IPO8: variants seen among roughly 807,000 people sequenced by gnomAD.
IPO8 encodes the protein importin 8.
IPO8 carries 65 observed loss-of-function variants against 141.2 expected under a neutral mutation model. That is an observed-to-expected ratio of 0.46 (90% CI 0.38 to 0.57). IPO8 has a LOEUF of 0.57. Among genes scored for constraint, IPO8 ranks in the 20% least tolerant of loss-of-function variants. IPO8 has a pLI of 0.00. For missense variants in IPO8, 980 were observed against 1,246.8 expected (o/e 0.79, Z 3.22); for synonymous variants, 411 against 420.3 (o/e 0.98, Z 0.27).
intron 2 of IPO8, among the ~76,000 whole-genome samples, chr12:30,685,452 T>G (rs983025204): frequency 6.6e-6 from 1 of 151,694 alleles, no homozygotes. Flanking sequence ...ATGTAAAGCT[T>G]TCTAACCATC....
chr12:30,641,493 C>CTTTTTTT (rs58656525), intron 20 of IPO8, among the ~76,000 whole-genome samples: 36 of 135,016 alleles, frequency 2.7e-4, no homozygotes, highest in Non-Finnish European at 3.3e-4. Context: ...TAAGCTATTT[C>CTTTTTTT]TTTTTTTTTT....
intron 2 of IPO8, among the ~76,000 whole-genome samples, 197 bp from the exon 3 acceptor site, chr12:30,684,654 GCAGAAA>G (rs2053222212): frequency 6.6e-6 from 1 of 152,202 alleles, no homozygotes; most frequent in South Asian, 2.1e-4. Flanking sequence ...GCTAGTCTAA[GCAGAAA>G]ACATTTCATT....
chr12:30,672,594 C>T (rs536048418), intron 8 of IPO8, among the ~76,000 whole-genome samples: 1 of 152,238 alleles, frequency 6.6e-6, no homozygotes, highest in East Asian at 1.9e-4. Flanking sequence ...TGTATACACA[C>T]ACATACATGT....
Position 30,630,800 on chromosome 12 carries a change from C to T in IPO8, c.*60G>A. 7.2e-7 allele frequency: 1 copy of T among 1,396,742 alleles called. No individual in the cohort carries two copies. Among genetic ancestry groups the T allele is most frequent in the Non-Finnish European group, 1.0e-6 (1 of 988,654 alleles). 86.5% of individuals were successfully genotyped at this position (1,396,742 alleles called of 1,614,324 possible). A position where few individuals can be genotyped will look rare whatever the true frequency, so the allele number is the denominator to read the frequency against. Reference sequence around the variant, plus strand: ...CCCCTCATTTCATCCCCTTGACCCTCACACTCCTCTTGTGAAATAAAATGC... The same window carrying T: ...CCCCTCATTTCATCCCCTTGACCCTTACACTCCTCTTGTGAAATAAAATGC... On this transcript the variant is annotated 3_prime_UTR_variant, in exon 25 of 25. Transcript: ENST00000256079.
chr12:30,687,940 A>G (rs750974181), intron 2 of IPO8, among the ~76,000 whole-genome samples: 6 of 152,190 alleles, frequency 3.9e-5, no homozygotes, highest in Non-Finnish European at 7.4e-5. Context: ...TTTAAATGAC[A>G]GTCCCACATC....
At chr12:30,653,146 C>T (rs2052751516) in intron 17 of IPO8, 54 bp from the exon 18 acceptor site, 1 of 1,541,842 alleles carries the variant, frequency 6.5e-7, no homozygotes, top group South Asian at 1.1e-5. Flanking sequence ...AAAGTTAAAA[C>T]AAAGACCACA....
At position 30,677,166 on chromosome 12, in the gene IPO8, C is replaced by G. The variant is rs2053133320; in HGVS notation, c.640-579G>C. On this transcript the variant is annotated intron_variant, in intron 5 of 24. Coordinates refer to ENST00000256079, the MANE Select transcript of IPO8 (RefSeq NM_006390.4). ...TCTTTGCCCTCACGAAGCTTACACT[C>G]TAACTGGAAAAAATGTATATAAAGT... is the stretch of plus-strand genomic sequence containing the variant. 5 of 1,103,614 alleles carry G rather than the reference C, an allele frequency of 4.5e-6. No homozygotes were observed. The East Asian group carries it at 1.6e-4, about 36-fold the overall frequency. 68.4% of individuals were successfully genotyped at this position (1,103,614 alleles called of 1,614,324 possible). A position where few individuals can be genotyped will look rare whatever the true frequency, so the allele number is the denominator to read the frequency against.
At chr12:30,631,059 A>G in intron 24 of IPO8, 102 bp from the exon 25 acceptor site, 1 of 744,388 alleles carries the variant, frequency 1.3e-6, no homozygotes, top group African/African-American at 1.8e-5. Flanking sequence ...TATGCTTAGA[A>G]CTGTGAAAGA....
chr12:30,631,913 G>A lies in IPO8; in HGVS notation c.2998C>T (p.His1000Tyr). 1.2e-6 allele frequency: 2 copies of A among 1,611,674 alleles called. No individual in the cohort carries two copies. Among genetic ancestry groups the A allele is most frequent in the East Asian group, 4.5e-5 (2 of 44,872 alleles). Reference sequence around the variant, plus strand: ...GGCTGACCTGCCACCGTCCGTCGGTGCTCTGCCAGTGTGTACACCTCCTGC... The same window carrying A: ...GGCTGACCTGCCACCGTCCGTCGGTACTCTGCCAGTGTGTACACCTCCTGC... Reference protein sequence around the residue: ...ALQEVYTLAEHRRTVAEAKKK... With the variant: ...ALQEVYTLAEYRRTVAEAKKK... The change falls in exon 24 of 25, where the codon CAC (histidine) becomes TAC (tyrosine). Residue 1000 changes from histidine (H) to tyrosine (Y), a missense_variant. Physicochemically the swap from His to Tyr is moderately conservative, Grantham distance 83. Coordinates refer to ENST00000256079, the MANE Select transcript of IPO8 (RefSeq NM_006390.4).
In IPO8 at chr12:30,634,253, A is replaced by T. The variant is rs1212976156; in HGVS notation, c.2729T>A (p.Val910Glu). The T allele has an allele frequency of 1.2e-6, 2 of 1,613,902 alleles. No homozygotes were observed. The highest frequency in any genetic ancestry group is 1.7e-5 in the Admixed American group (1 of 60,010). The change falls in exon 23 of 25, where the codon GTA (valine) becomes GAA (glutamate). Residue 910 changes from valine (V) to glutamate (E), a missense_variant. By Grantham distance (121) the Val-to-Glu change is moderately radical (BLOSUM62 -2). Around this residue, in one of 3 missense-constraint regions of IPO8, gnomAD observed 924 missense variants for 1,153.9 expected, o/e 0.80. Coordinates refer to ENST00000256079, the MANE Select transcript of IPO8 (RefSeq NM_006390.4). ...ATTTGACTGCATTGCTTGAGCAGTT[A>T]CATTTGTCTCCTCTTCATCACTTGA... ...EISSDEEETN[V>E]TAQAMQSNNG...
chr12:30,631,626 C>A (rs931816819), intron 24 of IPO8: 7 of 281,712 alleles, frequency 2.5e-5, no homozygotes, highest in Admixed American at 4.8e-5. Flanking sequence ...TTATCCCAAC[C>A]CTTACTTTGT....
chr12:30,693,956 T>C (rs2136179555), intron 1 of IPO8, among the ~76,000 whole-genome samples: 1 of 152,280 alleles, frequency 6.6e-6, no homozygotes, highest in Non-Finnish European at 1.5e-5. Context: ...GTCTTAAATG[T>C]CTCCTAGTTC....
In IPO8 at chr12:30,630,771, G is replaced by A; in HGVS notation, c.*89C>T. 9.8e-7 allele frequency: 1 copy of A among 1,016,630 alleles called. No individual in the cohort carries two copies. The highest frequency in any genetic ancestry group is 1.5e-6 in the Non-Finnish European group (1 of 666,586). 63.0% of individuals were successfully genotyped at this position (1,016,630 alleles called of 1,614,324 possible). A position where few individuals can be genotyped will look rare whatever the true frequency, so the allele number is the denominator to read the frequency against. ...CTGGCACAGCAGGAGGGCCCTAAAAGCAGCCCCTCATTTCATCCCCTTGAC... is the reference window on the plus strand; with the variant it reads ...CTGGCACAGCAGGAGGGCCCTAAAAACAGCCCCTCATTTCATCCCCTTGAC... On this transcript the variant is annotated 3_prime_UTR_variant, in exon 25 of 25. Transcript: ENST00000256079.
At position 30,629,080 on chromosome 12, in the gene IPO8, T is replaced by C. The variant is rs748202425; in HGVS notation, c.*1780A>G. On this transcript the variant is annotated 3_prime_UTR_variant, in exon 25 of 25. Coordinates refer to ENST00000256079, the MANE Select transcript of IPO8 (RefSeq NM_006390.4). ...CAGGTCACATTCAGGTTAGCACTGC[T>C]GGTAACAAAATCATACAACTACCCT... The C allele has an allele frequency of 2.6e-5, 4 of 152,230 alleles. No individual in the cohort carries two copies. Among genetic ancestry groups the C allele is most frequent in the Non-Finnish European group, 4.4e-5 (3 of 68,046 alleles). 9.4% of individuals were successfully genotyped at this position (152,230 alleles called of 1,614,324 possible). A position where few individuals can be genotyped will look rare whatever the true frequency, so the allele number is the denominator to read the frequency against.
At chr12:30,672,675 T>A (rs2053067937) in intron 8 of IPO8, among the ~76,000 whole-genome samples, 1 of 151,744 alleles carries the variant, frequency 6.6e-6, no homozygotes, top group Non-Finnish European at 1.5e-5. Flanking sequence ...CTTTAAGGAG[T>A]TTAACATTAG....
intron 20 of IPO8, among the ~76,000 whole-genome samples, chr12:30,642,727 C>G (rs1162549664): frequency 2.0e-5 from 3 of 151,832 alleles, no homozygotes; most frequent in African/African-American, 7.3e-5. Context: ...CTGTGCCCAG[C>G]TTGTAGTCTT....
chr12:30,654,363 A>G (rs986010574), intron 17 of IPO8, among the ~76,000 whole-genome samples: 1 of 152,014 alleles, frequency 6.6e-6, no homozygotes, highest in Non-Finnish European at 1.5e-5. Context: ...AACAAAAGCA[A>G]AAACAGACAA....
At position 30,650,217 on chromosome 12, in the gene IPO8, AAAAAT is replaced by A. The variant is rs759351005; in HGVS notation, c.2173-990_2173-986del. 2.0e-5 allele frequency among the ~76,000 whole-genome samples: 3 copies of A among 152,194 alleles called. No homozygotes were observed. The East Asian group carries it at 5.8e-4, about 29-fold the overall frequency. ...AAACTCAGATTAGATGATTTTCTAG[AAAAAT>A]AAAATTTAAGAAAAATTAATTAAGA... On this transcript the variant is annotated intron_variant, in intron 19 of 24. Coordinates refer to ENST00000256079, the MANE Select transcript of IPO8 (RefSeq NM_006390.4).
rs541352162 is a variant in IPO8, at chr12:30,658,788, C to T, written c.1882-2038G>A. Among the ~76,000 whole-genome samples, 4 of 150,028 alleles carry T rather than the reference C, an allele frequency of 2.7e-5. No individual in the cohort carries two copies. The South Asian group carries it at 8.5e-4, about 32-fold the overall frequency. ...CCAAGAGGACCATTTAGTTTCAATA[C>T]AGAAGGACACAAAAATAAAATAATG... On this transcript the variant is annotated intron_variant, in intron 16 of 24. Coordinates refer to ENST00000256079, the MANE Select transcript of IPO8 (RefSeq NM_006390.4).
Sources: allele counts gnomAD v4.1 joint callset (sites outside exome capture counted in the v4.1 genomes callset), GRCh38; gene constraint gnomAD v4.1.1; regional missense constraint gnomAD v4.1.1; transcripts MANE v1.5; gene names NCBI Gene and HGNC (gene_info 2026-07-23, HGNC 2026-07-21).